The following CHAF1B variants were observed in gnomAD, a reference collection of about 807,000 sequenced individuals.
CHAF1B encodes CAF-1 subunit B.
A neutral mutation model predicts 60.7 loss-of-function variants in CHAF1B; 10 were observed. The observed-to-expected ratio is 0.16, with a 90% CI of 0.10 to 0.28. CHAF1B has a LOEUF of 0.28. Ranked by LOEUF, CHAF1B falls within the 10% of genes least tolerant of loss-of-function variation. CHAF1B has a pLI of 1.00. For synonymous variants in CHAF1B, 261 were observed against 266.1 expected (o/e 0.98, Z 0.19); for missense variants, 558 against 708.4 (o/e 0.79, Z 2.41).
chr21:36,395,308 A>G (rs960721426), intron 5 of CHAF1B, among the ~76,000 whole-genome samples: 1 of 152,166 alleles, frequency 6.6e-6, no homozygotes, highest in Non-Finnish European at 1.5e-5. Flanking sequence ...TCGGCCTCCC[A>G]AAGTGCTGGG....
In CHAF1B at chr21:36,413,245, A is replaced by G. The variant is rs1301574197; in HGVS notation, c.1423A>G (p.Asn475Asp). Residue 475 changes from asparagine to aspartate, a missense_variant, in exon 12 of 14, where the codon AAC becomes GAC. By Grantham distance (23) the Asn-to-Asp change is conservative. Around this residue, in one of 2 missense-constraint regions of CHAF1B, gnomAD observed 233 missense variants for 214.9 expected, o/e 1.08. Coordinates refer to ENST00000314103, the MANE Select transcript of CHAF1B (RefSeq NM_005441.3). ...GAAGACCCTGCAGCCCAGTAGTCAAAACACAAAAGCCCACCCATCCCGGAG... is the reference window on the plus strand; with the variant it reads ...GAAGACCCTGCAGCCCAGTAGTCAAGACACAAAAGCCCACCCATCCCGGAG... ...EEKTLQPSSQ[N>D]TKAHPSRRVT... is the part of the protein sequence containing the mutation. 6.2e-7 allele frequency: 1 copy of G among 1,611,756 alleles called. No individual in the cohort carries two copies. The highest frequency in any genetic ancestry group is 1.3e-5 in the African/African-American group (1 of 74,990).
In CHAF1B at chr21:36,410,672, T is replaced by G. The variant is rs537927899; in HGVS notation, c.920-791T>G. Among the ~76,000 whole-genome samples the G allele has an allele frequency of 4.0e-5, 6 of 148,768 alleles. No homozygotes were observed. The South Asian group carries it at 1.3e-3, about 31-fold the overall frequency. On this transcript the variant is annotated intron_variant, in intron 10 of 13. Transcript: ENST00000314103. ...ATGCTCCATTTTTCCTCTTGCTGCT[T>G]TCTTTTTTTTTTTTTTCTTGCTCTG...
chr21:36,406,537 C>T (rs1159687268), intron 8 of CHAF1B, among the ~76,000 whole-genome samples: 1 of 152,156 alleles, frequency 6.6e-6, no homozygotes, highest in Admixed American at 6.6e-5. Context: ...CCACCCGCCT[C>T]AGCCTCCCAA....
chr21:36,415,971 C>CT, intron 13 of CHAF1B: 1 of 337,786 alleles, frequency 3.0e-6, no homozygotes, highest in Non-Finnish European at 5.7e-6. Flanking sequence ...CCAGGCTGGT[C>CT]TTGAACTCCT....
intron 3 of CHAF1B, among the ~76,000 whole-genome samples, 157 bp downstream of exon 3, chr21:36,387,887 C>G (rs1435415802): frequency 6.6e-6 from 1 of 151,052 alleles, no homozygotes; most frequent in Non-Finnish European, 1.5e-5. Flanking sequence ...GGTGCAAACT[C>G]GACTCACTGC....
chr21:36,395,477 G>A (rs762259665), intron 5 of CHAF1B, among the ~76,000 whole-genome samples: 5 of 152,242 alleles, frequency 3.3e-5, no homozygotes, highest in Non-Finnish European at 5.9e-5. Context: ...TAGCACTGGT[G>A]CTGCAAGTTA....
rs144844278 is a variant in CHAF1B, at chr21:36,412,715, C to A, written c.1062-169C>A. The stretch of plus-strand genomic sequence containing the variant: ...GATAGGTTGCAGCGACTTAGCAAAT[C>A]GCGATGAAACTGCATGAGTGAGTCG... On this transcript the variant is annotated intron_variant, in intron 11 of 13. Coordinates refer to ENST00000314103, the MANE Select transcript of CHAF1B (RefSeq NM_005441.3). 9.3e-6 allele frequency: 6 copies of A among 648,044 alleles called. No individual in the cohort carries two copies. The East Asian group carries it at 1.4e-4, about 15-fold the overall frequency. 40.1% of individuals were successfully genotyped at this position (648,044 alleles called of 1,614,324 possible).
chr21:36,399,972 A>G lies in CHAF1B; in HGVS notation c.663+367A>G, dbSNP rs546267917. ...GGTGGGCGGATCACTTGAGGTCAGG[A>G]GTTTGAGACCAGCCTGGCCAACATG... On this transcript the variant is annotated intron_variant, in intron 7 of 13. Coordinates refer to ENST00000314103, the MANE Select transcript of CHAF1B (RefSeq NM_005441.3). 2.6e-5 allele frequency among the ~76,000 whole-genome samples: 4 copies of G among 152,332 alleles called. 1 individual carries two copies. The East Asian group carries it at 7.7e-4, about 29-fold the overall frequency.
chr21:36,391,807 C>A, intron 4 of CHAF1B, 139 bp downstream of exon 4: 1 of 473,958 alleles, frequency 2.1e-6, no homozygotes, highest in Non-Finnish European at 3.8e-6. Flanking sequence ...ACTGTGATCA[C>A]AGTACCCTGC....
chr21:36,396,399 C>CACAGTG (rs1156665156), intron 5 of CHAF1B, among the ~76,000 whole-genome samples: 1 of 145,132 alleles, frequency 6.9e-6, no homozygotes, highest in African/African-American at 2.6e-5. Flanking sequence ...ACTTGTCAGG[C>CACAGTG]ACAGTGGCTC....
intron 5 of CHAF1B, among the ~76,000 whole-genome samples, chr21:36,396,292 G>A (rs1383769474): frequency 3.5e-5 from 5 of 142,430 alleles, no homozygotes; most frequent in African/African-American, 1.1e-4. Flanking sequence ...GAGCCATTGC[G>A]ACTGGCCAGG....
intron 9 of CHAF1B, among the ~76,000 whole-genome samples, 171 bp from the exon 10 acceptor site, chr21:36,409,202 TG>T (rs2086259060): frequency 5.4e-5 from 8 of 149,306 alleles, no homozygotes. Flanking sequence ...GGTTTCGTCA[TG>T]TTGGCCAGGC....
At position 36,387,580 on chromosome 21, in the gene CHAF1B, A is replaced by C; in HGVS notation, c.127-18A>C. The C allele has an allele frequency of 6.2e-6, 10 of 1,613,844 alleles. No homozygotes were observed. Among genetic ancestry groups the C allele is most frequent in the Non-Finnish European group, 8.5e-6 (10 of 1,179,820 alleles). On this transcript the variant is annotated intron_variant, in intron 2 of 13. Transcript: ENST00000314103. ...TGCCCATTCTATGTTTTTCAAATGAATGTGTTGGTATTGACAGATCTGGAA... is the reference window on the plus strand; with the variant it reads ...TGCCCATTCTATGTTTTTCAAATGACTGTGTTGGTATTGACAGATCTGGAA...
chr21:36,394,279 G>T (rs1353559098), intron 4 of CHAF1B, among the ~76,000 whole-genome samples: 3 of 152,122 alleles, frequency 2.0e-5, no homozygotes, highest in African/African-American at 7.2e-5. Flanking sequence ...GTTTCACCAT[G>T]TTGGCCAGGA....
intron 3 of CHAF1B, among the ~76,000 whole-genome samples, chr21:36,388,061 G>C (rs1014349923): frequency 1.3e-5 from 2 of 152,134 alleles, no homozygotes; most frequent in African/African-American, 2.4e-5. Context: ...GACCTCAGGT[G>C]ATCCACCTGC....
chr21:36,400,188 A>G (rs1045761319), intron 7 of CHAF1B, among the ~76,000 whole-genome samples: 1 of 151,216 alleles, frequency 6.6e-6, no homozygotes, highest in Admixed American at 6.6e-5. Flanking sequence ...TCAAAAATAA[A>G]ATGAAATAAG....
intron 6 of CHAF1B, 98 bp from the exon 7 acceptor site, chr21:36,399,423 A>G: frequency 2.1e-6 from 2 of 972,572 alleles, no homozygotes; most frequent in Non-Finnish European, 3.2e-6. Context: ...CAGGCTGAAA[A>G]CTGTTGCGGT....
intron 8 of CHAF1B, among the ~76,000 whole-genome samples, chr21:36,408,552 A>G (rs1231529154): frequency 1.3e-5 from 2 of 152,190 alleles, no homozygotes; most frequent in Non-Finnish European, 2.9e-5. Context: ...GTAGGTGGAG[A>G]TGACAGGTAG....
intron 10 of CHAF1B, among the ~76,000 whole-genome samples, chr21:36,410,242 C>T (rs1395596524): frequency 3.3e-5 from 5 of 152,306 alleles, no homozygotes; most frequent in African/African-American, 7.2e-5. Flanking sequence ...GGATTATAGG[C>T]GTGAGCCATC....
Sources: gnomAD v4.1 joint callset for allele counts (sites outside exome capture counted in the v4.1 genomes callset) on GRCh38, gnomAD v4.1.1 for gene constraint, gnomAD v4.1.1 regional missense constraint, MANE v1.5 for transcripts, NCBI Gene and HGNC (gene_info 2026-07-23, HGNC 2026-07-21) for gene names.